The following FAT3 variants were observed in gnomAD, a reference collection of about 807,000 sequenced individuals.
FAT3 encodes FAT atypical cadherin 3, also known as protocadherin Fat 3.
A neutral mutation model predicts 310.2 loss-of-function variants in FAT3; 95 were observed. That is an observed-to-expected ratio of 0.31 (90% CI 0.26 to 0.36). FAT3 has a LOEUF of 0.36. Ranked by LOEUF, FAT3 falls within the 10% of genes least tolerant of loss-of-function variation. The probability of loss-of-function intolerance (pLI) is 1.00; values close to 1 mark genes in which losing one functional copy is unlikely to be tolerated. For missense variants in FAT3, 5,408 were observed against 5,715.6 expected, an observed-to-expected ratio of 0.95 and a Z score of 1.74; for synonymous variants, 2,314 against 2,192.9, an observed-to-expected ratio of 1.06 and a Z score of -1.54.
rs372754958 is a variant in FAT3 at position 92,353,420 on chromosome 11, T to C, written c.1308T>C (p.Asn436=). 1.2e-5 allele frequency: 20 copies of C among 1,613,416 alleles called. No individual in the cohort carries two copies. Among genetic ancestry groups the C allele is most frequent in the African/African-American group, 2.7e-5 (2 of 74,902 alleles). Residue 436 remains asparagine, a synonymous_variant, in exon 2 of 28, where the codon AAT becomes AAC. Transcript: ENST00000525166. ...TGATTGTTACAGCACGGCCACTGAA[T>C]ACTGTTAAGAAGGAGGTTTATAAAC... ...SGLIVTARPL[N]TVKKEVYKLE... is the part of the protein sequence containing the mutation.
chr11:92,701,585 C>T (rs1315538555), intron 4 of FAT3, among the ~76,000 whole-genome samples: 2 of 152,210 alleles, frequency 1.3e-5, no homozygotes, highest in Admixed American at 1.3e-4. Flanking sequence ...ATCTTCTCTT[C>T]CTACCATAAA....
Position 92,666,413 on chromosome 11 carries a change from C to G in FAT3, c.3608-30971C>G, listed in dbSNP as rs537911949. The stretch of plus-strand genomic sequence containing the variant: ...GTTGCCTAGGCTGGAGTGCAGTGGC[C>G]TGATCTCTGCTCACTGCAAGCTCTG... On this transcript the variant is annotated intron_variant, in intron 3 of 27. Coordinates refer to ENST00000525166, the MANE Select transcript of FAT3 (RefSeq NM_001367949.2). Among the ~76,000 whole-genome samples, 27 of 150,480 alleles carry G rather than the reference C, an allele frequency of 1.8e-4. 1 individual carries two copies. The East Asian group carries it at 4.9e-3, about 27-fold the overall frequency.
intron 2 of FAT3, among the ~76,000 whole-genome samples, chr11:92,445,132 C>A (rs908472925): frequency 2.6e-5 from 4 of 152,154 alleles, no homozygotes; most frequent in African/African-American, 9.7e-5. Flanking sequence ...GGACTTTTAA[C>A]CTCCCAAACT....
Position 92,513,104 on chromosome 11 carries a change from A to G in FAT3, c.3293-11530A>G, listed in dbSNP as rs1425629847. Among the ~76,000 whole-genome samples, 6 of 145,422 alleles carry G rather than the reference A, an allele frequency of 4.1e-5. 1 individual carries two copies. Among genetic ancestry groups the G allele is most frequent in the Non-Finnish European group, 9.0e-5 (6 of 66,828 alleles). On this transcript the variant is annotated intron_variant, in intron 2 of 27. Transcript: ENST00000525166. ...GCCACTGCACTCCAGCCTGGGCGACAGAGCTAGACTCCGTCTCAAAAAAAA... is the reference window on the plus strand; with the variant it reads ...GCCACTGCACTCCAGCCTGGGCGACGGAGCTAGACTCCGTCTCAAAAAAAA...
At chr11:92,812,536 T>G (rs1290255243) in intron 13 of FAT3, among the ~76,000 whole-genome samples, 1 of 150,658 alleles carries the variant, frequency 6.6e-6, no homozygotes, top group East Asian at 2.0e-4. Flanking sequence ...GAGCCAATAT[T>G]GTGCCAGTGC....
intron 21 of FAT3, among the ~76,000 whole-genome samples, chr11:92,860,962 A>AT (rs1949105138): frequency 6.6e-6 from 1 of 152,238 alleles, no homozygotes; most frequent in South Asian, 2.1e-4. Context: ...GGAAAGCAAT[A>AT]TTTTTAAAAG....
At chr11:92,283,311 A>G (rs1345952572) in intron 1 of FAT3, among the ~76,000 whole-genome samples, 1 of 152,190 alleles carries the variant, frequency 6.6e-6, no homozygotes, top group Non-Finnish European at 1.5e-5. Flanking sequence ...CTTGACGTGT[A>G]GGTTGGAACA....
chr11:92,745,666 G>C (rs1182046814), intron 4 of FAT3, among the ~76,000 whole-genome samples: 1 of 151,346 alleles, frequency 6.6e-6, no homozygotes, highest in Non-Finnish European at 1.5e-5. Context: ...TTTGGACAAA[G>C]CTGTAATATC....
chr11:92,883,025 C>T lies in FAT3; in HGVS notation c.12569C>T (p.Thr4190Met), dbSNP rs186899262. 2.5e-4 allele frequency: 411 copies of T among 1,613,926 alleles called. No homozygotes were observed. The highest frequency in any genetic ancestry group is 2.1e-4 in the Non-Finnish European group (250 of 1,179,908). ...FRKNYSRNNITLVQDPATAAL... is the reference protein window; with the variant it reads ...FRKNYSRNNIMLVQDPATAAL... Reference sequence around the variant, plus strand: ...AAGAACTACTCCCGCAACAACATCACGCTAGTGCAGGACCCGGCCACCGCC... The same window carrying T: ...AAGAACTACTCCCGCAACAACATCATGCTAGTGCAGGACCCGGCCACCGCC... The change falls in exon 24 of 28, where the codon ACG becomes ATG. Residue 4190 changes from threonine (T) to methionine (M), a missense_variant. This residue lies in a region of FAT3 where 649 missense variants were observed against 666.2 expected (regional missense o/e 0.97). Coordinates refer to ENST00000525166, the MANE Select transcript of FAT3 (RefSeq NM_001367949.2). The surrounding 1 kb of genome is among the most constrained non-coding windows in gnomAD (Gnocchi z 4.2).
intron 2 of FAT3, among the ~76,000 whole-genome samples, chr11:92,476,449 G>C (rs1333484090): frequency 1.3e-5 from 2 of 152,120 alleles, no homozygotes; most frequent in Admixed American, 6.5e-5. Context: ...AGAGAGTTTA[G>C]AATTTCCTTG....
At chr11:92,750,475 T>A (rs545957494) in intron 4 of FAT3, among the ~76,000 whole-genome samples, 11 of 152,344 alleles carry the variant, frequency 7.2e-5, no homozygotes, top group South Asian at 4.1e-4. Context: ...ATGAATGTTC[T>A]GATGAGCTGA....
chr11:92,706,038 A>C (rs1018030588), intron 4 of FAT3, among the ~76,000 whole-genome samples: 1 of 150,188 alleles, frequency 6.7e-6, no homozygotes, highest in Non-Finnish European at 1.5e-5. Context: ...TAGTGGTGGC[A>C]GTGGTGATGA....
intron 1 of FAT3, among the ~76,000 whole-genome samples, chr11:92,286,704 A>G (rs1328924024): frequency 1.3e-5 from 2 of 152,202 alleles, no homozygotes; most frequent in African/African-American, 4.8e-5. Context: ...AGCTGTTGCC[A>G]GCCATCTTTT....
intron 1 of FAT3, among the ~76,000 whole-genome samples, chr11:92,276,711 G>GCAGAGCCACTGGC: frequency 6.6e-6 from 1 of 152,256 alleles, no homozygotes; most frequent in East Asian, 1.9e-4. Flanking sequence ...ACTGTTTGAA[G>GCAGAGCCACTGGC]CAGAGCCACT....
Position 92,798,753 on chromosome 11 carries a change from G to C in FAT3, c.5740G>C (p.Val1914Leu). Residue 1914 changes from valine (V) to leucine (L), a missense_variant, in exon 10 of 28, where the codon GTA becomes CTA. Physicochemically the swap from Val to Leu is conservative, Grantham distance 32. This residue lies in a region of FAT3 where 4,588 missense variants were observed against 4,809.8 expected (regional missense o/e 0.95). Transcript: ENST00000525166. ...KVSATDPDSEVPPELTYSLME... is the reference protein window; with the variant it reads ...KVSATDPDSELPPELTYSLME... ...TAGTGCCACAGATCCTGACTCTGAG[G>C]TACCCCCTGAACTGACATACAGCCT... 1 of 1,613,810 alleles carries C rather than the reference G, an allele frequency of 6.2e-7. No homozygotes were observed. The highest frequency in any genetic ancestry group is 8.5e-7 in the Non-Finnish European group (1 of 1,179,834).
At chr11:92,749,668 C>T (rs886518601) in intron 4 of FAT3, among the ~76,000 whole-genome samples, 5 of 152,164 alleles carry the variant, frequency 3.3e-5, no homozygotes, top group African/African-American at 4.8e-5. Context: ...TGGGTACCTT[C>T]GTACATTTCT....
At chr11:92,551,327 A>G (rs1363381486) in intron 3 of FAT3, among the ~76,000 whole-genome samples, 1 of 151,742 alleles carries the variant, frequency 6.6e-6, no homozygotes, top group Admixed American at 6.6e-5. Context: ...TCTTGGTTGC[A>G]TTTAAAATAT....
At chr11:92,558,937 C>T (rs1287563763) in intron 3 of FAT3, among the ~76,000 whole-genome samples, 1 of 152,112 alleles carries the variant, frequency 6.6e-6, no homozygotes, top group African/African-American at 2.4e-5. Flanking sequence ...TGGCTTCTGG[C>T]AGTGATTTAA....
chr11:92,614,715 A>T (rs180919226), intron 3 of FAT3, among the ~76,000 whole-genome samples: 34 of 152,288 alleles, frequency 2.2e-4, no homozygotes, highest in African/African-American at 7.9e-4. Flanking sequence ...TACAATTGTG[A>T]TGAAATCCAA....
Sources: gnomAD v4.1 joint callset for allele counts (sites outside exome capture counted in the v4.1 genomes callset) on GRCh38, gnomAD v4.1.1 for gene constraint, gnomAD v4.1.1 regional missense constraint, Gnocchi (gnomAD v3.1) non-coding constraint, MANE v1.5 for transcripts, NCBI Gene and HGNC (gene_info 2026-07-23, HGNC 2026-07-21) for gene names.